The following OLFM3 variants were observed in gnomAD, a reference collection of about 807,000 sequenced individuals.
OLFM3 encodes olfactomedin 3, also known as noelin-3.
OLFM3 carries 20 observed loss-of-function variants against 48.6 expected under a neutral mutation model. The ratio of observed to expected loss-of-function variants is 0.41; its 90% CI spans 0.29 to 0.60. OLFM3 has a LOEUF of 0.60. Among genes scored for constraint, OLFM3 ranks in the 20% least tolerant of loss-of-function variants. OLFM3 has a pLI of 0.28. For synonymous variants in OLFM3, 222 were observed against 198.1 expected (o/e 1.12, Z -1.01); for missense variants, 437 against 544.3 (o/e 0.80, Z 1.96).
intron 1 of OLFM3, among the ~76,000 whole-genome samples, chr1:101,949,364 C>A (rs1207979667): frequency 6.6e-6 from 1 of 152,086 alleles, no homozygotes; most frequent in Non-Finnish European, 1.5e-5. Context: ...TGAGTTCATG[C>A]AATCGTATCA....
intron 1 of OLFM3, among the ~76,000 whole-genome samples, chr1:101,965,286 AAAG>A (rs1660576641): frequency 6.6e-6 from 1 of 152,230 alleles, no homozygotes; most frequent in South Asian, 2.1e-4. Flanking sequence ...AAAATAATCA[AAAG>A]AAGAATAAAA....
At chr1:101,814,175 G>A (rs577358450) in intron 4 of OLFM3, among the ~76,000 whole-genome samples, 13 of 151,898 alleles carry the variant, frequency 8.6e-5, no homozygotes, top group South Asian at 2.1e-4. Flanking sequence ...CAGTCTTACC[G>A]TAGAAAGCAA....
intron 1 of OLFM3, among the ~76,000 whole-genome samples, chr1:101,981,089 T>C (rs1206504400): frequency 6.6e-6 from 1 of 152,210 alleles, no homozygotes. Context: ...TTTGCCACAC[T>C]TCTCTGTCAC....
intron 4 of OLFM3, 97 bp downstream of exon 4, chr1:101,824,929 A>G (rs966949945): frequency 2.3e-5 from 24 of 1,050,310 alleles, no homozygotes; most frequent in African/African-American, 1.4e-4. Context: ...TTTCTTTACA[A>G]TTAGATATTT....
At chr1:101,949,945 A>G (rs1660078707) in intron 1 of OLFM3, among the ~76,000 whole-genome samples, 1 of 150,022 alleles carries the variant, frequency 6.7e-6, no homozygotes, top group Admixed American at 6.6e-5. Flanking sequence ...AAAAAAAAAA[A>G]AAAGCCTCTG....
intron 1 of OLFM3, among the ~76,000 whole-genome samples, chr1:101,859,436 G>A (rs999136433): frequency 4.6e-5 from 7 of 152,124 alleles, no homozygotes; most frequent in African/African-American, 1.4e-4. Flanking sequence ...ACATTACACA[G>A]GATTTTGTGA....
intron 1 of OLFM3, among the ~76,000 whole-genome samples, chr1:101,910,370 G>C (rs1001451533): frequency 6.6e-6 from 1 of 151,888 alleles, no homozygotes; most frequent in African/African-American, 2.4e-5. Flanking sequence ...GGAGGCTGAG[G>C]CCAGAGAATG....
intron 3 of OLFM3, among the ~76,000 whole-genome samples, chr1:101,828,012 CT>C: frequency 2.4e-5 from 1 of 41,052 alleles, no homozygotes; most frequent in Admixed American, 2.3e-4. Context: ...CATTCATGCT[CT>C]CTCTCTCTCT....
chr1:101,928,499 C>T (rs1659346588), intron 1 of OLFM3, among the ~76,000 whole-genome samples: 1 of 152,142 alleles, frequency 6.6e-6, no homozygotes, highest in African/African-American at 2.4e-5. Context: ...AACACTAGCA[C>T]AGAATTCATA....
At chr1:101,870,404 A>G (rs1185514405) in intron 1 of OLFM3, among the ~76,000 whole-genome samples, 6 of 152,178 alleles carry the variant, frequency 3.9e-5, no homozygotes, top group Non-Finnish European at 8.8e-5. Flanking sequence ...CACAGCTATC[A>G]CTGGGACTAG....
intron 4 of OLFM3, among the ~76,000 whole-genome samples, chr1:101,815,766 T>C (rs888327293): frequency 1.3e-5 from 2 of 152,232 alleles, no homozygotes; most frequent in Admixed American, 6.5e-5. Flanking sequence ...TGTTCATGAC[T>C]ATTACACGTA....
intron 1 of OLFM3, among the ~76,000 whole-genome samples, chr1:101,872,982 G>A (rs1382311566): frequency 1.3e-5 from 2 of 151,704 alleles, no homozygotes; most frequent in Non-Finnish European, 1.5e-5. Flanking sequence ...ATTTAAAAGC[G>A]GACATCAGCT....
At chr1:101,886,113 C>A (rs756656264) in intron 1 of OLFM3, among the ~76,000 whole-genome samples, 1 of 151,976 alleles carries the variant, frequency 6.6e-6, no homozygotes, top group African/African-American at 2.4e-5. Flanking sequence ...GGAGTACATA[C>A]AAAAACAAAG....
intron 1 of OLFM3, among the ~76,000 whole-genome samples, chr1:101,925,331 T>C (rs1415176505): frequency 3.3e-5 from 5 of 152,086 alleles, no homozygotes; most frequent in Admixed American, 2.6e-4. Flanking sequence ...TGGCGTTTTT[T>C]TTAATGAAAT....
At chr1:101,833,323 G>T (rs1246066840) in intron 2 of OLFM3, among the ~76,000 whole-genome samples, 2 of 152,206 alleles carry the variant, frequency 1.3e-5, no homozygotes, top group Non-Finnish European at 1.5e-5. Flanking sequence ...AGCTAGAGCT[G>T]TCTAATTGGC....
intron 1 of OLFM3, among the ~76,000 whole-genome samples, chr1:101,928,347 G>A (rs776244479): frequency 1.7e-4 from 26 of 152,070 alleles, no homozygotes; most frequent in Non-Finnish European, 3.2e-4. Context: ...CTTTTTGTAG[G>A]ATTATAGAGG....
At chr1:101,887,696 A>G (rs1657819218) in intron 1 of OLFM3, among the ~76,000 whole-genome samples, 1 of 152,030 alleles carries the variant, frequency 6.6e-6, no homozygotes, top group South Asian at 2.1e-4. Context: ...CTTGGTAAAT[A>G]CTTATTTTCC....
intron 1 of OLFM3, among the ~76,000 whole-genome samples, chr1:101,979,709 T>C (rs1054397747): frequency 5.3e-5 from 8 of 152,084 alleles, no homozygotes; most frequent in Non-Finnish European, 1.2e-4. Context: ...AGAAGGGAAA[T>C]GTGGGGTTGC....
At chr1:101,847,923 C>T (rs751409675) in intron 1 of OLFM3, among the ~76,000 whole-genome samples, 1 of 151,924 alleles carries the variant, frequency 6.6e-6, no homozygotes, top group Admixed American at 6.6e-5. Flanking sequence ...TATGACTGGC[C>T]GGTGACAAGA....
Sources: allele counts gnomAD v4.1 joint callset (sites outside exome capture counted in the v4.1 genomes callset), GRCh38; gene constraint gnomAD v4.1.1; transcripts MANE v1.5; gene names NCBI Gene and HGNC (gene_info 2026-07-23, HGNC 2026-07-21).